Variants in ZNF516 observed in about 807,000 individuals in gnomAD.
ZNF516 encodes zinc finger protein 516.
ZNF516 carries 19 observed loss-of-function variants against 79.7 expected under a neutral mutation model. The ratio of observed to expected loss-of-function variants is 0.24; its 90% CI spans 0.17 to 0.35. The LOEUF is 0.35. Ranked by LOEUF, ZNF516 falls within the 10% of genes least tolerant of loss-of-function variation. The pLI is 1.00. For missense variants in ZNF516, 1,678 were observed against 1,679.5 expected (o/e 1.00, Z 0.02); for synonymous variants, 877 against 739.5 (o/e 1.19, Z -3.02).
chr18:76,369,026 CG>C (rs1825563944), intron 6 of ZNF516, among the ~76,000 whole-genome samples: 1 of 152,148 alleles, frequency 6.6e-6, no homozygotes, highest in Admixed American at 6.5e-5. Flanking sequence ...GTGGGTTGAA[CG>C]GGTCACCTGT....
chr18:76,491,545 G>GCGGGGGGCGGGGGGCGGGCGCCGGGCGC (rs1915214503), intron 1 of ZNF516: 1 of 146,430 alleles, frequency 6.8e-6, no homozygotes, highest in Admixed American at 6.8e-5. Flanking sequence ...CATGACGGGG[G>GCGGGGGGCGGGGGGCGGGCGCCGGGCGC]CGGGGGGCGG....
In ZNF516 at chr18:76,458,637, A is replaced by ACCGTCGTGCGTGTGCG. The variant is rs1568310435; in HGVS notation, c.-158+4390_-158+4391insCGCACACGCACGACGG. Among the ~76,000 whole-genome samples the ACCGTCGTGCGTGTGCG allele has an allele frequency of 1.7e-4, 23 of 138,664 alleles. No homozygotes were observed. The South Asian group carries it at 2.9e-3, about 18-fold the overall frequency. The allele number at this position is 138,664 out of a possible 152,430, so 91.0% of individuals were successfully genotyped here. A position where few individuals can be genotyped will look rare whatever the true frequency, so the allele number is the denominator to read the frequency against. On this transcript the variant is annotated intron_variant, in intron 2 of 6. Transcript: ENST00000443185. ...CCAGGCCTCACCGTCGTGCGTGTGC[A>ACCGTCGTGCGTGTGCG]TGCCTCACCGTCGTGCGTGTGCGTG...
intron 1 of ZNF516, among the ~76,000 whole-genome samples, chr18:76,463,555 A>G (rs1913257267): frequency 6.6e-6 from 1 of 152,212 alleles, no homozygotes; most frequent in South Asian, 2.1e-4. Context: ...CACACTGCCG[A>G]CCGCCAGAAA....
chr18:76,392,292 G>A (rs2075084947), intron 3 of ZNF516, among the ~76,000 whole-genome samples: 1 of 152,214 alleles, frequency 6.6e-6, no homozygotes, highest in Non-Finnish European at 1.5e-5. Context: ...CACAGGGAGT[G>A]TCACTAATAA....
intron 3 of ZNF516, chr18:76,386,738 T>C (rs2145102015): frequency 6.6e-6 from 1 of 152,366 alleles, no homozygotes; most frequent in African/African-American, 2.4e-5. Context: ...CTTATCACAA[T>C]GATTTCCTTT....
chr18:76,403,233 G>A (rs531317714), intron 3 of ZNF516, among the ~76,000 whole-genome samples: 6 of 152,208 alleles, frequency 3.9e-5, no homozygotes, highest in Non-Finnish European at 7.3e-5. Flanking sequence ...TGGTGCACCC[G>A]TTAAGACACT....
In ZNF516 at chr18:76,442,303, T is replaced by C; in HGVS notation, c.752A>G (p.Glu251Gly). The change falls in exon 3 of 7, where the codon GAG becomes GGG. Residue 251 changes from glutamate (E) to glycine (G), a missense_variant. Physicochemically the swap from Glu to Gly is moderately conservative, Grantham distance 98. Transcript: ENST00000443185. ...PELSPGEFPC[E>G]VCGQAFSQTW... ...CTGGCTGAAGGCCTGGCCACACACCTCGCACGGGAACTCCCCGGGGCTCAG... is the reference window on the plus strand; with the variant it reads ...CTGGCTGAAGGCCTGGCCACACACCCCGCACGGGAACTCCCCGGGGCTCAG... 6 of 1,612,526 alleles carry C rather than the reference T, an allele frequency of 3.7e-6. No individual in the cohort carries two copies. Among genetic ancestry groups the C allele is most frequent in the Non-Finnish European group, 5.1e-6 (6 of 1,179,580 alleles).
At chr18:76,362,658 C>G in intron 6 of ZNF516, 101 bp from the exon 7 acceptor site, 1 of 1,212,142 alleles carries the variant, frequency 8.2e-7, no homozygotes, top group African/African-American at 1.5e-5. Flanking sequence ...TCCAAGAACA[C>G]AAACAATGAC....
At chr18:76,469,123 T>C (rs888784601) in intron 1 of ZNF516, among the ~76,000 whole-genome samples, 1 of 152,242 alleles carries the variant, frequency 6.6e-6, no homozygotes, top group Non-Finnish European at 1.5e-5. Context: ...TCTGTACGCC[T>C]GAATATAAAT....
intron 3 of ZNF516, among the ~76,000 whole-genome samples, chr18:76,418,989 T>A (rs1053756504): frequency 6.6e-6 from 1 of 152,232 alleles, no homozygotes; most frequent in Non-Finnish European, 1.5e-5. Context: ...AGCAAGCTGG[T>A]GCCCAGCTGG....
At chr18:76,495,059 G>A (rs890892425) in intron 1 of ZNF516, 85 bp downstream of exon 1, 13 of 144,446 alleles carry the variant, frequency 9.0e-5, no homozygotes, top group African/African-American at 2.5e-4. Flanking sequence ...ACCAGAGTAC[G>A]GGGCACGTCG....
intron 3 of ZNF516, among the ~76,000 whole-genome samples, chr18:76,428,503 G>C (rs73479030): frequency 0.053 from 8,069 of 152,072 alleles, 734 homozygotes; most frequent in African/African-American, 0.19. Flanking sequence ...ATTTGGAAAG[G>C]ACCTGAACAA....
rs776182537 is a variant in ZNF516, at chr18:76,441,379, A to G, written c.1676T>C (p.Leu559Pro). Residue 559 changes from leucine to proline, a missense_variant, in exon 3 of 7, where the codon CTC (leucine) becomes CCC (proline). Physicochemically the swap from Leu to Pro is moderately conservative, Grantham distance 98 (BLOSUM62 -3). Transcript: ENST00000443185. ...DRAARARCGS[L>P]SEGDSASQPS... ...CTGGGAGGCCGAGTCACCCTCACTG[A>G]GTGATCCGCAGCGGGCCCGCGCCGC... 2.1e-5 allele frequency: 34 copies of G among 1,610,388 alleles called. No homozygotes were observed. In the South Asian group the frequency reaches 2.2e-4, roughly 10 times the overall value.
intron 3 of ZNF516, among the ~76,000 whole-genome samples, chr18:76,436,375 C>T (rs899129895): frequency 6.6e-6 from 1 of 152,168 alleles, no homozygotes; most frequent in Non-Finnish European, 1.5e-5. Flanking sequence ...ACGCACTTCA[C>T]TCGTTTTCTC....
chr18:76,368,930 G>C (rs1242303760), intron 6 of ZNF516, among the ~76,000 whole-genome samples: 1 of 152,162 alleles, frequency 6.6e-6, no homozygotes, highest in Non-Finnish European at 1.5e-5. Context: ...ATGCATTCCT[G>C]AAGAATCTCA....
chr18:76,472,944 A>C (rs2145735993), intron 1 of ZNF516, among the ~76,000 whole-genome samples: 1 of 152,384 alleles, frequency 6.6e-6, no homozygotes, highest in Middle Eastern at 3.4e-3. Flanking sequence ...CCAAAAAAGG[A>C]ATGACAATAG....
chr18:76,407,435 G>A (rs140653094), intron 3 of ZNF516, among the ~76,000 whole-genome samples: 1 of 152,098 alleles, frequency 6.6e-6, no homozygotes. Flanking sequence ...CAAAGAAGAG[G>A]GGGGGAGTGG....
chr18:76,378,546 A>G (rs559085840), intron 4 of ZNF516, among the ~76,000 whole-genome samples: 1 of 152,316 alleles, frequency 6.6e-6, no homozygotes, highest in African/African-American at 2.4e-5. Flanking sequence ...GGTGTGGAGG[A>G]AACGTCCTCT....
intron 3 of ZNF516, among the ~76,000 whole-genome samples, chr18:76,404,950 G>A (rs948311836): frequency 6.6e-6 from 1 of 152,108 alleles, no homozygotes; most frequent in Non-Finnish European, 1.5e-5. Context: ...AGCCACGGTC[G>A]ATGGTCCCCC....
Sources: allele counts gnomAD v4.1 joint callset (sites outside exome capture counted in the v4.1 genomes callset), GRCh38; gene constraint gnomAD v4.1.1; transcripts MANE v1.5; gene names NCBI Gene and HGNC (gene_info 2026-07-23, HGNC 2026-07-21).